The following DPYD variants were observed in gnomAD, a reference collection of about 807,000 sequenced individuals.
DPYD encodes the protein dihydropyrimidine dehydrogenase.
Under a neutral mutation model 116.2 loss-of-function variants are expected in DPYD, and 109 were observed. That is an observed-to-expected ratio of 0.94 (90% confidence interval 0.80 to 1.10). DPYD has a LOEUF of 1.10. Among genes scored for constraint, DPYD ranks in the 50% least tolerant of loss-of-function variants. DPYD has a pLI of 0.00. For missense variants in DPYD, 1,302 were observed against 1,254.5 expected, an observed-to-expected ratio of 1.04 and a Z score of -0.57; for synonymous variants, 440 against 432.0, an observed-to-expected ratio of 1.02 and a Z score of -0.23.
chr1:97,396,481 G>A (rs2101619433), intron 14 of DPYD, among the ~76,000 whole-genome samples: 1 of 152,116 alleles, frequency 6.6e-6, no homozygotes, highest in African/African-American at 2.4e-5. Context: ...TCGCCAGTGA[G>A]TTATTTCACT....
intron 16 of DPYD, among the ~76,000 whole-genome samples, chr1:97,326,588 C>T (rs568595324): frequency 6.6e-6 from 1 of 151,728 alleles, no homozygotes; most frequent in Non-Finnish European, 1.5e-5. Flanking sequence ...ATGAGAAGAC[C>T]ACTTCCCCTA....
chr1:97,401,906 T>C (rs781625169), intron 14 of DPYD, among the ~76,000 whole-genome samples: 3 of 152,280 alleles, frequency 2.0e-5, no homozygotes, highest in Admixed American at 6.5e-5. Context: ...TGAAGTGTCT[T>C]ACTGCTTTGT....
intron 3 of DPYD, among the ~76,000 whole-genome samples, chr1:97,761,795 T>C (rs994592938): frequency 6.6e-5 from 10 of 152,148 alleles, no homozygotes; most frequent in African/African-American, 1.2e-4. Flanking sequence ...AACAGTGTTA[T>C]ATATACACAC....
chr1:97,233,111 T>A (rs1452110154), intron 19 of DPYD, among the ~76,000 whole-genome samples: 1 of 152,136 alleles, frequency 6.6e-6, no homozygotes, highest in African/African-American at 2.4e-5. Flanking sequence ...AGCCCAGGTA[T>A]CTTACTTGGC....
At chr1:97,236,493 A>G (rs1320186384) in intron 18 of DPYD, among the ~76,000 whole-genome samples, 3 of 152,258 alleles carry the variant, frequency 2.0e-5, no homozygotes, top group Non-Finnish European at 2.9e-5. Flanking sequence ...GATTCCAACT[A>G]TATGACATTC....
intron 16 of DPYD, among the ~76,000 whole-genome samples, chr1:97,314,797 T>C (rs1667718273): frequency 6.6e-6 from 1 of 152,020 alleles, no homozygotes; most frequent in African/African-American, 2.4e-5. Context: ...CGGCCTCACC[T>C]GGCCATGGTA....
chr1:97,313,852 A>G (rs1391042312), intron 16 of DPYD, among the ~76,000 whole-genome samples: 2 of 151,916 alleles, frequency 1.3e-5, no homozygotes. Context: ...TTTCTACTAG[A>G]CTATTAGTCT....
intron 8 of DPYD, among the ~76,000 whole-genome samples, chr1:97,648,905 C>G (rs1490159132): frequency 6.6e-6 from 1 of 151,830 alleles, no homozygotes; most frequent in Non-Finnish European, 1.5e-5. Context: ...GAGAAGATTC[C>G]CCTTAGAAGA....
chr1:97,678,184 A>T (rs1329879439), intron 8 of DPYD, among the ~76,000 whole-genome samples: 1 of 152,150 alleles, frequency 6.6e-6, no homozygotes, highest in Non-Finnish European at 1.5e-5. Context: ...CATGCAACTT[A>T]GATCCTTCGC....
intron 14 of DPYD, among the ~76,000 whole-genome samples, chr1:97,406,211 G>A (rs1239135122): frequency 6.6e-6 from 1 of 150,654 alleles, no homozygotes; most frequent in Non-Finnish European, 1.5e-5. Context: ...TGGCGTAGCA[G>A]TTTTGCCCTA....
chr1:97,306,989 A>G (rs1667212795), intron 16 of DPYD, among the ~76,000 whole-genome samples: 1 of 151,932 alleles, frequency 6.6e-6, no homozygotes, highest in African/African-American at 2.4e-5. Context: ...CATTTTAAAA[A>G]GCAAGAAATA....
At chr1:97,153,164 C>G (rs774258487) in intron 20 of DPYD, among the ~76,000 whole-genome samples, 5 of 152,048 alleles carry the variant, frequency 3.3e-5, no homozygotes, top group Non-Finnish European at 7.4e-5. Context: ...TAGCTGATAA[C>G]ATCATACTTT....
intron 11 of DPYD, among the ~76,000 whole-genome samples, chr1:97,561,946 ATC>A (rs1394252622): frequency 6.6e-6 from 1 of 152,122 alleles, no homozygotes; most frequent in Non-Finnish European, 1.5e-5. Context: ...CCAGAAATTT[ATC>A]TGTTTCTCCT....
At chr1:97,223,712 C>A (rs1660928265) in intron 19 of DPYD, among the ~76,000 whole-genome samples, 1 of 151,922 alleles carries the variant, frequency 6.6e-6, no homozygotes, top group Admixed American at 6.6e-5. Flanking sequence ...AATAGTTTTT[C>A]AACAGAAATT....
At chr1:97,824,680 T>C (rs1030979906) in intron 3 of DPYD, among the ~76,000 whole-genome samples, 1 of 152,166 alleles carries the variant, frequency 6.6e-6, no homozygotes. Context: ...CATTCCCCTG[T>C]CCTTTTCTTC....
intron 11 of DPYD, among the ~76,000 whole-genome samples, chr1:97,566,584 C>A (rs984272013): frequency 6.6e-6 from 1 of 152,208 alleles, no homozygotes; most frequent in South Asian, 2.1e-4. Context: ...ATGCAGTATT[C>A]TTTAATCTGT....
intron 10 of DPYD, among the ~76,000 whole-genome samples, chr1:97,588,807 C>A (rs187098282): frequency 6.6e-6 from 1 of 152,308 alleles, no homozygotes; most frequent in Admixed American, 6.5e-5. Flanking sequence ...ATCAGAATTA[C>A]ATCAATATGC....
intron 18 of DPYD, among the ~76,000 whole-genome samples, chr1:97,260,428 C>T (rs1006373952): frequency 6.6e-6 from 1 of 151,816 alleles, no homozygotes; most frequent in Non-Finnish European, 1.5e-5. Context: ...CCAAAAAAGA[C>T]AATGAAAGTA....
At chr1:97,734,035 T>C (rs1187499265) in intron 4 of DPYD, among the ~76,000 whole-genome samples, 1 of 152,118 alleles carries the variant, frequency 6.6e-6, no homozygotes, top group Non-Finnish European at 1.5e-5. Flanking sequence ...ATGTTAACAC[T>C]TGGACTGAAA....
Sources: allele counts gnomAD v4.1 joint callset (sites outside exome capture counted in the v4.1 genomes callset), GRCh38; gene constraint gnomAD v4.1.1; transcripts MANE v1.5; gene names NCBI Gene and HGNC (gene_info 2026-07-23, HGNC 2026-07-21).